ACMSD: variants seen among roughly 807,000 people sequenced by gnomAD.
ACMSD encodes the protein 2-amino-3-carboxymuconate-6-semialdehyde decarboxylase.
In ACMSD, 37 loss-of-function variants were observed where a neutral mutation model predicts 45.9. The observed-to-expected ratio is 0.81, with a 90% CI of 0.62 to 1.06. The LOEUF is 1.06. ACMSD is among the 50% of genes least tolerant of loss of function. The pLI, the probability that ACMSD is intolerant of heterozygous loss-of-function variation, is 0.00. For synonymous variants in ACMSD, 138 were observed against 148.8 expected, an observed-to-expected ratio of 0.93 and a Z score of 0.53; for missense variants, 434 against 420.9, an observed-to-expected ratio of 1.03 and a Z score of -0.27.
intron 3 of ACMSD, 131 bp from the exon 4 acceptor site, chr2:134,861,838 T>C: frequency 1.1e-6 from 1 of 927,036 alleles, no homozygotes; most frequent in Middle Eastern, 2.4e-4. Context: ...GGGAGAGGAC[T>C]GAGAGGGACG....
At chr2:134,848,249 T>C (rs181461651) in intron 2 of ACMSD, among the ~76,000 whole-genome samples, 3,896 of 152,334 alleles carry the variant, frequency 0.026, 171 homozygotes, top group African/African-American at 0.087. Flanking sequence ...TACGTGTGCA[T>C]GTGTCTTTAT....
intron 8 of ACMSD, among the ~76,000 whole-genome samples, chr2:134,885,256 AAT>A (rs111637739): frequency 0.022 from 2,367 of 108,744 alleles, 91 homozygotes; most frequent in African/African-American, 0.076. Flanking sequence ...ATTTATATAT[AAT>A]ATATATATAA....
chr2:134,869,753 A>AT (rs1286145525), intron 6 of ACMSD, among the ~76,000 whole-genome samples: 1 of 151,898 alleles, frequency 6.6e-6, no homozygotes, highest in Non-Finnish European at 1.5e-5. Flanking sequence ...TAATTTTGGA[A>AT]TTTTATTCTG....
At chr2:134,863,709 G>A (rs1171057366) in intron 5 of ACMSD, 78 bp downstream of exon 5, 6 of 1,447,226 alleles carry the variant, frequency 4.1e-6, no homozygotes, top group East Asian at 2.3e-5. Context: ...TGGCAGGGAG[G>A]AGGTGAAGCG....
chr2:134,868,737 G>A (rs1453153481), intron 6 of ACMSD, among the ~76,000 whole-genome samples: 1 of 152,016 alleles, frequency 6.6e-6, no homozygotes, highest in African/African-American at 2.4e-5. Flanking sequence ...ACAGGTGTGA[G>A]CCACTGCACC....
rs182351345 is a variant in ACMSD at position 134,867,552 on chromosome 2, T to C, written c.487-27T>C. On this transcript the variant is annotated intron_variant, in intron 5 of 9. Coordinates refer to ENST00000356140, the MANE Select transcript of ACMSD (RefSeq NM_138326.3). ...CTGCTCACTCATCAAAGTAACCCTC[T>C]CTCTCTCTCTCATTGCTTCTTTGAA... 651 of 1,552,990 alleles carry C rather than the reference T, an allele frequency of 4.2e-4. 4 individuals carry two copies. The African/African-American group carries it at 7.9e-3, about 19-fold the overall frequency.
rs74776923 is a variant in ACMSD, at chr2:134,898,149, G to GA, written c.850-183dup. ...AGAGACCTAATAGTGACACCTGCTG[G>GA]AAAAAAAAAGTCAGAATAAAATTTG... is the stretch of plus-strand genomic sequence containing the variant. On this transcript the variant is annotated intron_variant, in intron 8 of 9. Coordinates refer to ENST00000356140, the MANE Select transcript of ACMSD (RefSeq NM_138326.3). 0.02 allele frequency among the ~76,000 whole-genome samples: 3,024 copies of GA among 149,514 alleles called. 217 individuals are homozygous for GA. The East Asian group carries it at 0.29, about 14-fold the overall frequency.
intron 3 of ACMSD, among the ~76,000 whole-genome samples, chr2:134,860,383 G>A (rs980596586): frequency 6.6e-6 from 1 of 152,176 alleles, no homozygotes; most frequent in Non-Finnish European, 1.5e-5. Flanking sequence ...CCAAGAAAAT[G>A]CCTGAGCCTT....
intron 8 of ACMSD, among the ~76,000 whole-genome samples, chr2:134,888,850 G>A (rs1251053125): frequency 6.6e-6 from 1 of 152,136 alleles, no homozygotes; most frequent in African/African-American, 2.4e-5. Flanking sequence ...GAACTGAGAG[G>A]AGAGAATGAC....
chr2:134,900,798 G>A (rs1158095383), intron 9 of ACMSD, among the ~76,000 whole-genome samples: 2 of 152,146 alleles, frequency 1.3e-5, no homozygotes, highest in Non-Finnish European at 2.9e-5. Flanking sequence ...GGAGTTGAGT[G>A]ACTTGCCAAA....
intron 8 of ACMSD, among the ~76,000 whole-genome samples, chr2:134,897,260 AT>A (rs1420953017): frequency 2.6e-5 from 4 of 152,192 alleles, no homozygotes; most frequent in Non-Finnish European, 4.4e-5. Flanking sequence ...GACTGTATAT[AT>A]ACAAACATAT....
At chr2:134,845,806 G>A (rs956197158) in intron 2 of ACMSD, among the ~76,000 whole-genome samples, 5 of 152,122 alleles carry the variant, frequency 3.3e-5, no homozygotes, top group South Asian at 2.1e-4. Flanking sequence ...TAGAAATAAC[G>A]AGCCCCAAGA....
rs1687934883 is a variant in ACMSD, at chr2:134,863,401, C to G, written c.256C>G (p.Pro86Ala). Residue 86 changes from proline (P) to alanine (A), a missense_variant, in exon 5 of 10, where the codon CCT becomes GCT. Coordinates refer to ENST00000356140, the MANE Select transcript of ACMSD (RefSeq NM_138326.3). ...VPVMFSYWAK[P>A]EDTLNLCQLL... Reference sequence around the variant, plus strand: ...CCTTTCCTGTCTCCACCAGGCCAAACCTGAGGACACTTTAAACCTGTGCCA... The same window carrying G: ...CCTTTCCTGTCTCCACCAGGCCAAAGCTGAGGACACTTTAAACCTGTGCCA... The G allele has an allele frequency of 3.1e-6, 5 of 1,614,156 alleles. No homozygotes were observed. Among genetic ancestry groups the G allele is most frequent in the Non-Finnish European group, 4.2e-6 (5 of 1,180,014 alleles).
chr2:134,888,525 G>A (rs1689589746), intron 8 of ACMSD, among the ~76,000 whole-genome samples: 1 of 152,086 alleles, frequency 6.6e-6, no homozygotes, highest in South Asian at 2.1e-4. Context: ...GTATAAAAAA[G>A]TTCTTGGCAG....
chr2:134,861,324 G>A, intron 3 of ACMSD, among the ~76,000 whole-genome samples: 1 of 152,172 alleles, frequency 6.6e-6, no homozygotes, highest in Non-Finnish European at 1.5e-5. Context: ...CGGCTGCACG[G>A]TAAACGAAGT....
chr2:134,845,647 T>C (rs1687023182), intron 2 of ACMSD, among the ~76,000 whole-genome samples: 1 of 151,018 alleles, frequency 6.6e-6, no homozygotes, highest in Non-Finnish European at 1.5e-5. Context: ...TACAGTATAT[T>C]AAAGCTGACC....
chr2:134,879,002 C>T (rs1159080154), intron 8 of ACMSD, among the ~76,000 whole-genome samples: 4 of 152,200 alleles, frequency 2.6e-5, no homozygotes, highest in Non-Finnish European at 2.9e-5. Flanking sequence ...GAGGCACTTC[C>T]TAAATCTTTT....
intron 8 of ACMSD, among the ~76,000 whole-genome samples, chr2:134,885,349 A>T (rs1381402324): frequency 1.2e-4 from 13 of 104,962 alleles, no homozygotes; most frequent in Non-Finnish European, 2.2e-4. Flanking sequence ...ATTTATATAT[A>T]ATATATATTT....
chr2:134,869,118 A>T (rs555390921), intron 6 of ACMSD: 7 of 152,346 alleles, frequency 4.6e-5, no homozygotes, highest in Non-Finnish European at 1.5e-5. Flanking sequence ...AATTAATAGG[A>T]TGAGATAACC....
Sources: allele counts gnomAD v4.1 joint callset (sites outside exome capture counted in the v4.1 genomes callset), GRCh38; gene constraint gnomAD v4.1.1; transcripts MANE v1.5; gene names NCBI Gene and HGNC (gene_info 2026-07-23, HGNC 2026-07-21).